RNF217: variants seen among roughly 807,000 people sequenced by gnomAD.
The protein encoded by RNF217 is ring finger protein 217, also known as E3 ubiquitin-protein ligase RNF217.
In RNF217, 31 loss-of-function variants were observed where a neutral mutation model predicts 57.8. The ratio of observed to expected loss-of-function variants is 0.54; its 90% CI spans 0.40 to 0.72. RNF217 has a LOEUF of 0.72. Ranked by LOEUF, RNF217 falls within the 30% of genes least tolerant of loss-of-function variation. The probability of loss-of-function intolerance (pLI) is 0.00; values close to 1 mark genes in which losing one functional copy is unlikely to be tolerated. For synonymous variants in RNF217, 313 were observed against 294.0 expected (o/e 1.06, Z -0.66); for missense variants, 696 against 708.3 (o/e 0.98, Z 0.20).
chr6:125,079,882 C>T (rs1788511469), intron 4 of RNF217, among the ~76,000 whole-genome samples: 1 of 151,896 alleles, frequency 6.6e-6, no homozygotes, highest in African/African-American at 2.4e-5. Context: ...ATGTTACTAA[C>T]CTAGGAATAA....
Position 124,987,042 on chromosome 6 carries a change from T to C in RNF217, c.882+23616T>C, listed in dbSNP as rs77249425. On this transcript the variant is annotated intron_variant, in intron 1 of 5. Coordinates refer to ENST00000521654, the MANE Select transcript of RNF217 (RefSeq NM_001286398.3). ...ACATACAGGTTTTGCCGAATATAGA[T>C]ATTAGTCTACTAGCATGTATGCACA... is the stretch of plus-strand genomic sequence containing the variant. Among the ~76,000 whole-genome samples the C allele has an allele frequency of 3.2e-4, 49 of 152,316 alleles. No homozygotes were observed. In the East Asian group the frequency reaches 9.1e-3, roughly 28 times the overall value.
rs1407509113 is a variant in RNF217, at chr6:125,091,862, T to G, written c.*8925T>G. On this transcript the variant is annotated 3_prime_UTR_variant, in exon 6 of 6. Transcript: ENST00000521654. ...CAGTGAGCTTTATCAACATCAACCC[T>G]GTTTATATAATATGTTATTTTGCTC... is the stretch of plus-strand genomic sequence containing the variant. The G allele has an allele frequency of 6.6e-6, 1 of 152,220 alleles. No individual in the cohort carries two copies. The highest frequency in any genetic ancestry group is 1.5e-5 in the Non-Finnish European group (1 of 68,020). 9.4% of individuals were successfully genotyped at this position (152,220 alleles called of 1,614,324 possible).
chr6:125,071,143 T>C (rs1788117565), intron 3 of RNF217, among the ~76,000 whole-genome samples: 1 of 152,230 alleles, frequency 6.6e-6, no homozygotes, highest in South Asian at 2.1e-4. Context: ...TACTATTTTC[T>C]TCATGCAGAT....
At chr6:125,082,771 C>A in intron 5 of RNF217, 93 bp from the exon 6 acceptor site, 1 of 1,129,988 alleles carries the variant, frequency 8.8e-7, no homozygotes, top group Non-Finnish European at 1.3e-6. Context: ...TTTGTATGTT[C>A]GTACACTGCA....
intron 1 of RNF217, among the ~76,000 whole-genome samples, chr6:124,974,770 C>T (rs1042577801): frequency 2.0e-5 from 3 of 152,174 alleles, no homozygotes; most frequent in African/African-American, 7.2e-5. Context: ...CCTGGTCAAT[C>T]TTTGTGAAAT....
At chr6:124,970,382 A>G (rs150942659) in intron 1 of RNF217, among the ~76,000 whole-genome samples, 2 of 152,338 alleles carry the variant, frequency 1.3e-5, no homozygotes, top group East Asian at 3.9e-4. Flanking sequence ...GTGAAGTTAG[A>G]ACTGACAGAA....
chr6:125,043,878 C>A (rs1786984409), intron 1 of RNF217, among the ~76,000 whole-genome samples: 1 of 151,914 alleles, frequency 6.6e-6, no homozygotes, highest in South Asian at 2.1e-4. Context: ...TTTAACAGGT[C>A]AATACTAATA....
chr6:125,018,962 T>TA (rs1785719034), intron 1 of RNF217, among the ~76,000 whole-genome samples: 1 of 152,162 alleles, frequency 6.6e-6, no homozygotes, highest in Admixed American at 6.5e-5. Flanking sequence ...CAGCTGGACA[T>TA]ACACCTCCAG....
rs1033957811 is a variant in RNF217, at chr6:124,963,358, A to G, written c.814A>G (p.Ile272Val). Residue 272 changes from isoleucine (I) to valine (V), a missense_variant, in exon 1 of 6, where the codon ATC becomes GTC. By Grantham distance (29) the Ile-to-Val change is conservative (BLOSUM62 3). Transcript: ENST00000521654. ...CCGGGTGTGCCTGGAAGACAAGCCCATCAAGCCCCTGCCTTGCTGCAAGAA... is the reference window on the plus strand; with the variant it reads ...CCGGGTGTGCCTGGAAGACAAGCCCGTCAAGCCCCTGCCTTGCTGCAAGAA... ...MCRVCLEDKP[I>V]KPLPCCKKAV... 6 of 1,529,778 alleles carry G rather than the reference A, an allele frequency of 3.9e-6. No homozygotes were observed. Among genetic ancestry groups the G allele is most frequent in the Admixed American group, 4.0e-5 (2 of 50,114 alleles). The allele number at this position is 1,529,778 out of a possible 1,614,324, so 94.8% of individuals were successfully genotyped here.
At chr6:124,981,984 C>T (rs928775417) in intron 1 of RNF217, among the ~76,000 whole-genome samples, 2 of 144,686 alleles carry the variant, frequency 1.4e-5, no homozygotes, top group Non-Finnish European at 3.0e-5. Flanking sequence ...ACCGAGATCG[C>T]GCCGCTGCAC....
chr6:125,019,109 A>G (rs903254043), intron 1 of RNF217, among the ~76,000 whole-genome samples: 4 of 152,164 alleles, frequency 2.6e-5, no homozygotes, highest in Non-Finnish European at 4.4e-5. Flanking sequence ...CAATTAGCCA[A>G]TGAGGCTGGC....
chr6:125,065,607 T>C (rs1042134001), intron 3 of RNF217, among the ~76,000 whole-genome samples: 1 of 152,176 alleles, frequency 6.6e-6, no homozygotes, highest in African/African-American at 2.4e-5. Context: ...CTGCAAAGGA[T>C]GAAATCCAGT....
At chr6:124,989,060 T>C (rs201056103) in intron 1 of RNF217, among the ~76,000 whole-genome samples, 17 of 92,796 alleles carry the variant, frequency 1.8e-4, no homozygotes, top group Non-Finnish European at 4.2e-4. Context: ...TAATTTAATT[T>C]GCTTGTCTAA....
At chr6:125,045,176 G>GTTTTTTTTTT in intron 1 of RNF217, 35 bp from the exon 2 acceptor site, 1 of 1,405,990 alleles carries the variant, frequency 7.1e-7, no homozygotes, top group African/African-American at 1.4e-5. Context: ...AACCAGTGAC[G>GTTTTTTTTTT]TTTTTTTCCT....
chr6:124,990,314 A>G (rs1425841631), intron 1 of RNF217, among the ~76,000 whole-genome samples: 1 of 152,128 alleles, frequency 6.6e-6, no homozygotes, highest in East Asian at 1.9e-4. Flanking sequence ...AATTTCTGGT[A>G]AGTATTCTGT....
intron 3 of RNF217, among the ~76,000 whole-genome samples, chr6:125,061,749 CAT>C (rs1487563171): frequency 6.6e-6 from 1 of 151,676 alleles, no homozygotes; most frequent in Non-Finnish European, 1.5e-5. Flanking sequence ...CGTATGAACA[CAT>C]ATTTTTATAT....
chr6:125,045,209 AG>A lies in RNF217; in HGVS notation c.883del. Reference sequence around the variant, plus strand: ...CCTTCCATCTGCTCTTCCATCATGCAGGTACAACTTGGCCAAGTAGAAATCA... The same window carrying A: ...CCTTCCATCTGCTCTTCCATCATGCAGTACAACTTGGCCAAGTAGAAATCA... On this transcript the variant is annotated splice_acceptor_variant, in intron 1 of 5. Transcript: ENST00000521654. LOFTEE classifies it high-confidence loss of function. The A allele has an allele frequency of 1.2e-6, 2 of 1,601,266 alleles. No homozygotes were observed. Among genetic ancestry groups the A allele is most frequent in the Non-Finnish European group, 1.7e-6 (2 of 1,170,892 alleles).
chr6:124,983,359 A>T, intron 1 of RNF217: 1 of 984,732 alleles, frequency 1.0e-6, no homozygotes, highest in Non-Finnish European at 1.2e-6. Context: ...CCGACTGTGT[A>T]CTTTATTTAG....
chr6:124,973,374 C>G (rs1783833518), intron 1 of RNF217, among the ~76,000 whole-genome samples: 1 of 152,156 alleles, frequency 6.6e-6, no homozygotes, highest in Admixed American at 6.5e-5. Flanking sequence ...GAGTCCTTTT[C>G]ACTCTGCCAC....
Sources: gnomAD v4.1 joint callset for allele counts (sites outside exome capture counted in the v4.1 genomes callset) on GRCh38, gnomAD v4.1.1 for gene constraint, MANE v1.5 for transcripts, NCBI Gene and HGNC (gene_info 2026-07-23, HGNC 2026-07-21) for gene names.